Variants in ARHGEF1 observed in about 807,000 individuals in gnomAD.
ARHGEF1 encodes the protein 115 kDa guanine nucleotide exchange factor.
Under a neutral mutation model 119.7 loss-of-function variants are expected in ARHGEF1, and 40 were observed. That is an observed-to-expected ratio of 0.33 (90% CI 0.26 to 0.44). The LOEUF is 0.44. Among genes scored for constraint, ARHGEF1 ranks in the 20% least tolerant of loss-of-function variants. The pLI, the probability that ARHGEF1 is intolerant of heterozygous loss-of-function variation, is 1.00. For missense variants in ARHGEF1, 976 were observed against 1,268.3 expected (o/e 0.77, Z 3.50); for synonymous variants, 494 against 521.0 (o/e 0.95, Z 0.71).
rs1351386600 is a variant in ARHGEF1 at position 41,904,548 on chromosome 19, T to C, written c.2161+165T>C. 2.0e-5 allele frequency among the ~76,000 whole-genome samples: 3 copies of C among 151,758 alleles called. No individual in the cohort carries two copies. The highest frequency in any genetic ancestry group is 2.1e-4 in the South Asian group (1 of 4,814). On this transcript the variant is annotated intron_variant, in intron 22 of 28. Coordinates refer to ENST00000354532, the MANE Select transcript of ARHGEF1 (RefSeq NM_004706.4). The surrounding 1 kb of genome is among the most constrained non-coding windows in gnomAD (Gnocchi z 8.4). ...CAGGGCGGGGCCAGGCCTAGAGGGT[T>C]TATAAGTGAGGTAGGAACTGCTGCA...
At chr19:41,920,431 A>G (rs1315551584), upstream of ARHGEF1, among the ~76,000 whole-genome samples, 1 of 144,228 alleles carries the variant, frequency 6.9e-6, no homozygotes, top group Non-Finnish European at 1.5e-5. Context: ...ACACTCACAG[A>G]CATGACACGC....
chr19:41,919,080 T>TACACC (rs1555852200), upstream of ARHGEF1, among the ~76,000 whole-genome samples: 1 of 148,346 alleles, frequency 6.7e-6, no homozygotes, highest in Non-Finnish European at 1.5e-5. Flanking sequence ...CCACACACAT[T>TACACC]ACACCACACC....
chr19:41,901,182 G>A (rs564689286), intron 14 of ARHGEF1, among the ~76,000 whole-genome samples: 2 of 150,172 alleles, frequency 1.3e-5, no homozygotes, highest in African/African-American at 4.9e-5. Flanking sequence ...ACGGAGTCTC[G>A]TTCTGTCACC....
At chr19:41,887,314 A>G (rs2074308259) in intron 1 of ARHGEF1, among the ~76,000 whole-genome samples, 1 of 152,116 alleles carries the variant, frequency 6.6e-6, no homozygotes, top group Non-Finnish European at 1.5e-5. Context: ...CAAGGGACAG[A>G]CAGCCAAGGA....
upstream of ARHGEF1, among the ~76,000 whole-genome samples, chr19:41,922,852 G>A (rs939675615): frequency 1.3e-5 from 2 of 152,198 alleles, no homozygotes; most frequent in Admixed American, 6.5e-5. Context: ...GCGCACTGCC[G>A]CCGAGGCGGA....
chr19:41,912,585 G>A (rs73550614), intron 18 of ARHGEF1, among the ~76,000 whole-genome samples: 13,529 of 152,184 alleles, frequency 0.089, 1,922 homozygotes, highest in African/African-American at 0.3. Flanking sequence ...CGGGCCTCGG[G>A]CCCCTCCGTC....
chr19:41,908,777 C>G (rs2145879389), downstream of ARHGEF1: 1 of 578,042 alleles, frequency 1.7e-6, no homozygotes, highest in East Asian at 3.5e-5. This position sits in a 1 kb window ranked among gnomAD's most constrained non-coding sequence, Gnocchi z 6.7. Flanking sequence ...TCCCCGCATC[C>G]CTCCTACATG....
intron 1 of ARHGEF1, among the ~76,000 whole-genome samples, chr19:41,927,841 C>T (rs564740208): frequency 6.6e-6 from 1 of 152,172 alleles, no homozygotes; most frequent in African/African-American, 2.4e-5. Flanking sequence ...TAGCGCTACC[C>T]GCCTCCCACC....
At chr19:41,884,432 A>C in intron 1 of ARHGEF1, 2 of 1,602,652 alleles carry the variant, frequency 1.2e-6, no homozygotes, top group Non-Finnish European at 1.7e-6. Context: ...GAGAGTGCGG[A>C]GCCCGAGCGC....
chr19:41,898,590 G>T lies in ARHGEF1; in HGVS notation c.1267+3G>T, dbSNP rs781910854. On this transcript the variant is annotated splice_donor_region_variant and intron_variant, in intron 14 of 28. Coordinates refer to ENST00000354532, the MANE Select transcript of ARHGEF1 (RefSeq NM_004706.4). ...GAAGCGGCAGGAGGTCATCAGCGGT[G>T]AGTACTGCCCCCATCACCCCACTGT... The T allele has an allele frequency of 7.6e-6, 12 of 1,585,096 alleles. No individual in the cohort carries two copies. Among genetic ancestry groups the T allele is most frequent in the Non-Finnish European group, 8.6e-6 (10 of 1,166,438 alleles).
rs372096272 is a variant in ARHGEF1, at chr19:41,905,426, CAT to C, written c.2336+171_2336+172del. On this transcript the variant is annotated intron_variant, in intron 24 of 28. Transcript: ENST00000354532. The surrounding 1 kb of genome is among the most constrained non-coding windows in gnomAD (Gnocchi z 6.4). Reference sequence around the variant, plus strand: ...GTACGCAAGTATGTGACTGTGCGTGCATATATAGTGTGTGTATGCATGCATGT... The same window carrying C: ...GTACGCAAGTATGTGACTGTGCGTGCATATAGTGTGTGTATGCATGCATGT... The C allele has an allele frequency of 1.8e-5, 12 of 661,342 alleles. No individual in the cohort carries two copies. The highest frequency in any genetic ancestry group is 2.6e-5 in the Non-Finnish European group (10 of 389,796). The allele number at this position is 661,342 out of a possible 1,614,324, so 41.0% of individuals were successfully genotyped here.
chr19:41,916,020 C>A lies in ARHGEF1; in HGVS notation c.1866-7072C>A, dbSNP rs1412474853. On this transcript the variant is annotated intron_variant, in intron 18 of 20. Coordinates refer to the ARHGEF1 transcript ENST00000599589. The surrounding 1 kb of genome is among the most constrained non-coding windows in gnomAD (Gnocchi z 5.4). The stretch of plus-strand genomic sequence containing the variant: ...AATTTTATTTTGCTTCCTCCACCCC[C>A]CCTTCGCCCCCCATCTCTACCGCCC... Among the ~76,000 whole-genome samples the A allele has an allele frequency of 2.6e-5, 4 of 152,018 alleles. No individual in the cohort carries two copies. Among genetic ancestry groups the A allele is most frequent in the Non-Finnish European group, 5.9e-5 (4 of 68,012 alleles).
rs375730550 is a variant in ARHGEF1, at chr19:41,902,541, T to C, written c.1506T>C (p.Gly502=). The change falls in exon 17 of 29, where the codon GGT becomes GGC. Residue 502 remains glycine (G), a synonymous_variant. Coordinates refer to ENST00000354532, the MANE Select transcript of ARHGEF1 (RefSeq NM_004706.4). This position sits in a 1 kb window ranked among gnomAD's most constrained non-coding sequence, Gnocchi z 6.5. ...CCTGAATCTCGCTGTAGTTTGATGG[T>C]GCTGAGGGCTCCTGGTTCCAGAAAA... ...IGDVLLARFD[G]AEGSWFQKIS... The C allele has an allele frequency of 1.9e-6, 3 of 1,614,018 alleles. No individual in the cohort carries two copies. The African/African-American group carries it at 4.0e-5, about 22-fold the overall frequency.
chr19:41,926,758 C>T (rs1232750808), intron 1 of ARHGEF1, among the ~76,000 whole-genome samples: 1 of 152,158 alleles, frequency 6.6e-6, no homozygotes, highest in Non-Finnish European at 1.5e-5. Flanking sequence ...GATAGATCCG[C>T]GCGCCGCTTG....
chr19:41,906,850 C>CCCT lies in ARHGEF1; in HGVS notation c.*17+49_*17+50insTCC. The CCCT allele has an allele frequency of 1.4e-6, 2 of 1,450,890 alleles. No homozygotes were observed. The highest frequency in any genetic ancestry group is 1.9e-6 in the Non-Finnish European group (2 of 1,067,434). 89.9% of individuals were successfully genotyped at this position (1,450,890 alleles called of 1,614,324 possible). A position where few individuals can be genotyped will look rare whatever the true frequency, so the allele number is the denominator to read the frequency against. ...CAGGGCGCTGTCCTGAAAGGAGGGTCCCCCTCCAGAGCTCGCATCCCTACA... is the reference window on the plus strand; with the variant it reads ...CAGGGCGCTGTCCTGAAAGGAGGGTCCCTCCCCTCCAGAGCTCGCATCCCTACA... On this transcript the variant is annotated intron_variant, in intron 28 of 28. Coordinates refer to ENST00000354532, the MANE Select transcript of ARHGEF1 (RefSeq NM_004706.4). The surrounding 1 kb of genome is among the most constrained non-coding windows in gnomAD (Gnocchi z 4.5).
Position 41,905,558 on chromosome 19 carries a change from C to T in ARHGEF1, c.2337-202C>T. The T allele has an allele frequency of 1.6e-6, 1 of 630,052 alleles. No individual in the cohort carries two copies. The highest frequency in any genetic ancestry group is 2.8e-6 in the Non-Finnish European group (1 of 362,470). 39.0% of individuals were successfully genotyped at this position (630,052 alleles called of 1,614,324 possible). A position where few individuals can be genotyped will look rare whatever the true frequency, so the allele number is the denominator to read the frequency against. ...GTGTGTGTGTGCGCATGTGCCGACC[C>T]CACCACTGCCCCGTCTGTCTCCTGT... On this transcript the variant is annotated intron_variant, in intron 24 of 28. Coordinates refer to ENST00000354532, the MANE Select transcript of ARHGEF1 (RefSeq NM_004706.4). The surrounding 1 kb of genome is among the most constrained non-coding windows in gnomAD (Gnocchi z 6.4).
At chr19:41,910,174 C>A, downstream of ARHGEF1, 1 of 1,395,750 alleles carries the variant, frequency 7.2e-7, no homozygotes, top group South Asian at 1.4e-5. The surrounding 1 kb of genome is among the most constrained non-coding windows in gnomAD (Gnocchi z 4.4). Context: ...GACTCAGTAA[C>A]CTGGGAGGCA....
chr19:41,906,065 A>C lies in ARHGEF1; in HGVS notation c.2491+40A>C. On this transcript the variant is annotated intron_variant, in intron 26 of 28. Transcript: ENST00000354532. The surrounding 1 kb of genome is among the most constrained non-coding windows in gnomAD (Gnocchi z 4.5). Reference sequence around the variant, plus strand: ...CCCCTCCAGGGTGGCCACCAGCCCAAACAGTGCCTCTGTTCCAACTAGAAC... The same window carrying C: ...CCCCTCCAGGGTGGCCACCAGCCCACACAGTGCCTCTGTTCCAACTAGAAC... 1 of 1,567,170 alleles carries C rather than the reference A, an allele frequency of 6.4e-7. No homozygotes were observed. The highest frequency in any genetic ancestry group is 8.8e-7 in the Non-Finnish European group (1 of 1,139,202).
chr19:41,911,179 CA>C (rs1555851212), downstream of ARHGEF1, among the ~76,000 whole-genome samples: 1 of 152,144 alleles, frequency 6.6e-6, no homozygotes, highest in African/African-American at 2.4e-5. Context: ...GTCTCACATG[CA>C]GAGGGGAGTA....
Sources: allele counts gnomAD v4.1 joint callset (sites outside exome capture counted in the v4.1 genomes callset), GRCh38; gene constraint gnomAD v4.1.1; non-coding constraint Gnocchi (gnomAD v3.1); transcripts MANE v1.5; gene names NCBI Gene and HGNC (gene_info 2026-07-23, HGNC 2026-07-21).